The following PMS1 variants were observed in gnomAD, a reference collection of about 807,000 sequenced individuals.
PMS1 encodes PMS1 homolog 1, mismatch repair system component.
In PMS1, 79 loss-of-function variants were observed where a neutral mutation model predicts 93.1. The ratio of observed to expected loss-of-function variants is 0.85; its 90% CI spans 0.71 to 1.02. The LOEUF (loss-of-function observed/expected upper bound fraction) is 1.02. PMS1 is among the 50% of genes least tolerant of loss of function. The probability of loss-of-function intolerance (pLI) is 0.00; values close to 1 mark genes in which losing one functional copy is unlikely to be tolerated. For missense variants in PMS1, 1,064 were observed against 1,085.3 expected (o/e 0.98, Z 0.28); for synonymous variants, 335 against 363.4 (o/e 0.92, Z 0.89).
At chr2:189,807,710 C>A (rs541445463) in intron 4 of PMS1, among the ~76,000 whole-genome samples, 19 of 152,226 alleles carry the variant, frequency 1.2e-4, no homozygotes, top group Admixed American at 1.2e-3. Flanking sequence ...TTTCCTTTTC[C>A]TGCTGACCTC....
intron 5 of PMS1, among the ~76,000 whole-genome samples, chr2:189,829,166 T>C (rs2052705970): frequency 6.6e-6 from 1 of 152,208 alleles, no homozygotes. Flanking sequence ...CCAACTATAC[T>C]CAGAGTACTG....
intron 5 of PMS1, among the ~76,000 whole-genome samples, chr2:189,841,254 A>G (rs1030440624): frequency 1.1e-4 from 16 of 152,244 alleles, no homozygotes; most frequent in African/African-American, 3.9e-4. Context: ...GAAAATAAAC[A>G]GTAGTTTCTA....
At chr2:189,875,348 C>T (rs1203337118) in intron 12 of PMS1, among the ~76,000 whole-genome samples, 2 of 151,638 alleles carry the variant, frequency 1.3e-5, no homozygotes, top group Non-Finnish European at 2.9e-5. Flanking sequence ...TGCTTAAGTC[C>T]TGCAGTCAGC....
intron 3 of PMS1, among the ~76,000 whole-genome samples, chr2:189,800,280 G>C (rs927256272): frequency 1.3e-5 from 2 of 152,092 alleles, no homozygotes; most frequent in South Asian, 2.1e-4. Flanking sequence ...TTACTAGCAT[G>C]ATTAGAAATG....
intron 4 of PMS1, among the ~76,000 whole-genome samples, chr2:189,813,270 T>A (rs2050998328): frequency 6.6e-6 from 1 of 152,212 alleles, no homozygotes; most frequent in African/African-American, 2.4e-5. Flanking sequence ...AGGTTAGGTG[T>A]AGTATCAAAC....
chr2:189,798,055 A>G lies in PMS1; in HGVS notation c.315+2104A>G, dbSNP rs185561917. ...GCTCAGAACACTTACATTGGTCTAC[A>G]GTTGGGCAAAATTATCTGGCAACAT... On this transcript the variant is annotated intron_variant, in intron 3 of 12. Transcript: ENST00000441310. Among the ~76,000 whole-genome samples the G allele has an allele frequency of 3.9e-5, 6 of 152,352 alleles. No homozygotes were observed. The East Asian group carries it at 1.2e-3, about 29-fold the overall frequency.
Position 189,805,646 on chromosome 2 carries a change from C to T in PMS1, c.316-6C>T, listed in dbSNP as rs2050269733. 6 of 1,609,652 alleles carry T rather than the reference C, an allele frequency of 3.7e-6. No individual in the cohort carries two copies. Among genetic ancestry groups the T allele is most frequent in the Non-Finnish European group, 5.1e-6 (6 of 1,176,740 alleles). Reference sequence around the variant, plus strand: ...GTTAGTTTTATTAGATGTTTTTTTCCCCCAGGTTTTAATTACAACAAGAAC... The same window carrying T: ...GTTAGTTTTATTAGATGTTTTTTTCTCCCAGGTTTTAATTACAACAAGAAC... On this transcript the variant is annotated splice_polypyrimidine_tract_variant and splice_region_variant and intron_variant, in intron 3 of 12. Coordinates refer to ENST00000441310, the MANE Select transcript of PMS1 (RefSeq NM_000534.5).
chr2:189,870,891 C>T (rs746239721), intron 11 of PMS1, among the ~76,000 whole-genome samples: 4 of 152,048 alleles, frequency 2.6e-5, no homozygotes, highest in Non-Finnish European at 5.9e-5. Flanking sequence ...ACTGTTAGTT[C>T]GTTTGTGTTT....
chr2:189,863,692 A>T, intron 9 of PMS1, 51 bp from the exon 10 acceptor site: 1 of 1,353,754 alleles, frequency 7.4e-7, no homozygotes, highest in Non-Finnish European at 1.0e-6. Context: ...TCAGATGGTT[A>T]ATATATTTCT....
chr2:189,811,460 T>C (rs1164723597), intron 4 of PMS1, among the ~76,000 whole-genome samples: 2 of 152,072 alleles, frequency 1.3e-5, no homozygotes, highest in Non-Finnish European at 2.9e-5. Flanking sequence ...TTTTGTGTTT[T>C]GGCGCATGCC....
chr2:189,834,894 T>C (rs904353995), intron 5 of PMS1, among the ~76,000 whole-genome samples: 9 of 152,166 alleles, frequency 5.9e-5, no homozygotes, highest in Non-Finnish European at 8.8e-5. Flanking sequence ...CATAACTGGC[T>C]AATTTTTTAA....
chr2:189,809,100 A>G (rs1369447512), intron 4 of PMS1, among the ~76,000 whole-genome samples: 3 of 152,192 alleles, frequency 2.0e-5, no homozygotes, highest in Non-Finnish European at 4.4e-5. Flanking sequence ...TGTTCTTTGT[A>G]AATTCCTACG....
chr2:189,808,319 G>A (rs759385425), intron 4 of PMS1, among the ~76,000 whole-genome samples: 2 of 151,864 alleles, frequency 1.3e-5, no homozygotes, highest in African/African-American at 4.8e-5. Context: ...TTTAAAAAAC[G>A]TAATTTATTA....
chr2:189,858,803 C>T (rs1331760525), intron 9 of PMS1, among the ~76,000 whole-genome samples: 1 of 151,894 alleles, frequency 6.6e-6, no homozygotes, highest in East Asian at 1.9e-4. Flanking sequence ...GGTAAGTAAC[C>T]AAAGGAGCCA....
intron 9 of PMS1, among the ~76,000 whole-genome samples, chr2:189,862,224 C>T (rs1287202880): frequency 6.6e-6 from 1 of 152,114 alleles, no homozygotes; most frequent in Non-Finnish European, 1.5e-5. Flanking sequence ...CTGTCTTGAA[C>T]TTTACTGACC....
chr2:189,855,438 AT>A lies in PMS1; in HGVS notation c.1856+320del, dbSNP rs55803547. 3.0e-3 allele frequency among the ~76,000 whole-genome samples: 430 copies of A among 144,312 alleles called. 2 individuals are homozygous for A. Among genetic ancestry groups the A allele is most frequent in the African/African-American group, 9.6e-3 (380 of 39,600 alleles). The allele number at this position is 144,312 out of a possible 152,430, so 94.7% of individuals were successfully genotyped here. Reference sequence around the variant, plus strand: ...AATTTCAAACCACCATTTATCTTCTATTTTTTTTTTGTTTTATGTTTAATAA... The same window carrying A: ...AATTTCAAACCACCATTTATCTTCTATTTTTTTTTGTTTTATGTTTAATAA... On this transcript the variant is annotated intron_variant, in intron 9 of 12. Coordinates refer to ENST00000441310, the MANE Select transcript of PMS1 (RefSeq NM_000534.5).
chr2:189,796,698 T>C (rs561109732), intron 3 of PMS1, among the ~76,000 whole-genome samples: 1 of 152,362 alleles, frequency 6.6e-6, no homozygotes, highest in African/African-American at 2.4e-5. Flanking sequence ...TGCATCAGAA[T>C]TTCCTTCCTT....
rs532912232 is a variant in PMS1 at position 189,818,123 on chromosome 2, C to T, written c.525C>T (p.Leu175=). ...CKDEIKKIQD[L]LMSFGILKPD... is the part of the protein sequence containing the mutation. ...ATGAAATAAAAAAGATCCAAGATCT[C>T]CTCATGAGCTTTGGTATCCTTAAAC... Residue 175 remains leucine (L), a synonymous_variant, in exon 5 of 13, where the codon CTC becomes CTT. Transcript: ENST00000441310. 1.9e-6 allele frequency: 3 copies of T among 1,609,034 alleles called. No homozygotes were observed. The highest frequency in any genetic ancestry group is 2.7e-5 in the African/African-American group (2 of 74,916).
chr2:189,842,398 T>G (rs1168187150), intron 5 of PMS1, among the ~76,000 whole-genome samples: 3 of 152,164 alleles, frequency 2.0e-5, no homozygotes, highest in African/African-American at 7.2e-5. Context: ...AATTGCTAAG[T>G]GAATTTGTTG....
Sources: gnomAD v4.1 joint callset for allele counts (sites outside exome capture counted in the v4.1 genomes callset) on GRCh38, gnomAD v4.1.1 for gene constraint, MANE v1.5 for transcripts, NCBI Gene and HGNC (gene_info 2026-07-23, HGNC 2026-07-21) for gene names.